Variants in CCNH observed in about 807,000 individuals in gnomAD.
CCNH encodes the protein cyclin H, also known as cyclin-H.
Under a neutral mutation model 41.9 loss-of-function variants are expected in CCNH, and 31 were observed. That is an observed-to-expected ratio of 0.74 (90% confidence interval 0.56 to 1.00). The LOEUF (loss-of-function observed/expected upper bound fraction) is 1.00, where lower values mean the gene tolerates loss of function less well. Ranked by LOEUF, CCNH falls within the 50% of genes least tolerant of loss-of-function variation. The pLI is 0.00. For missense variants in CCNH, 362 were observed against 388.4 expected (o/e 0.93, Z 0.57); for synonymous variants, 138 against 136.1 (o/e 1.01, Z -0.10).
In CCNH at chr5:87,412,739, AGCTGCTCCTCGCTGGAGAAGGTCCAG is replaced by A. The variant is rs748955961; in HGVS notation, c.30_55del (p.Trp11GlyfsTer6). On this transcript the variant is annotated frameshift_variant, in exon 1 of 9. Transcript: ENST00000256897. LOFTEE classifies it high-confidence loss of function. The stretch of plus-strand genomic sequence containing the variant: ...GTTGGCGTCAGCCCGCAGTCTTGCC[AGCTGCTCCTCGCTGGAGAAGGTCCAG>A]TGCCGCTTCTGACTACTGTTGTGGT... 4 of 1,614,226 alleles carry A rather than the reference AGCTGCTCCTCGCTGGAGAAGGTCCAG, an allele frequency of 2.5e-6. No homozygotes were observed. The South Asian group carries it at 4.4e-5, about 18-fold the overall frequency.
At chr5:87,388,741 C>T (rs921924638), downstream of CCNH, among the ~76,000 whole-genome samples, 22 of 152,168 alleles carry the variant, frequency 1.4e-4, no homozygotes, top group African/African-American at 4.1e-4. Context: ...ATTGCATTTT[C>T]ATAGTGCAGT....
At chr5:87,385,453 A>T in intron 9 of CCNH, 3 of 1,244,456 alleles carry the variant, frequency 2.4e-6, no homozygotes, top group South Asian at 2.5e-5. Context: ...ATAAAACCAT[A>T]AATTGTGGCT....
chr5:87,379,686 C>T (rs1761572726), upstream of CCNH: 1 of 1,599,764 alleles, frequency 6.3e-7, no homozygotes. Flanking sequence ...TATTCATTTG[C>T]ATTTGTCATT....
At chr5:87,406,864 G>A (rs139325501) in intron 4 of CCNH, among the ~76,000 whole-genome samples, 1 of 152,024 alleles carries the variant, frequency 6.6e-6, no homozygotes, top group African/African-American at 2.4e-5. Flanking sequence ...ACAGATGCGC[G>A]ATAAATACCT....
chr5:87,338,311 C>T (rs570801105), intron 9 of CCNH, among the ~76,000 whole-genome samples: 8 of 151,358 alleles, frequency 5.3e-5, no homozygotes, highest in Admixed American at 2.0e-4. Flanking sequence ...GTATGATTTT[C>T]TATGAATTAA....
intron 9 of CCNH, among the ~76,000 whole-genome samples, chr5:87,328,251 CAGA>C (rs1561284505): frequency 6.6e-6 from 1 of 152,076 alleles, no homozygotes; most frequent in Non-Finnish European, 1.5e-5. Context: ...ATGTTACACT[CAGA>C]GTATTCTCAT....
At chr5:87,390,952 C>A, downstream of CCNH, 1 of 1,462,934 alleles carries the variant, frequency 6.8e-7, no homozygotes, top group Non-Finnish European at 9.6e-7. Flanking sequence ...AGTTTAATGT[C>A]TCCTTTGCTC....
At chr5:87,369,997 A>G (rs1227471123) in intron 9 of CCNH, 5 of 1,022,040 alleles carry the variant, frequency 4.9e-6, no homozygotes, top group Non-Finnish European at 7.5e-6. Flanking sequence ...AGATAAAGTG[A>G]CAGAACGCCT....
chr5:87,323,162 C>T (rs752754719), intron 9 of CCNH, among the ~76,000 whole-genome samples: 3 of 151,998 alleles, frequency 2.0e-5, no homozygotes, highest in East Asian at 1.9e-4. Flanking sequence ...GGAAAAGGCA[C>T]GTAGAAAATG....
chr5:87,389,255 C>G (rs577979133), downstream of CCNH: 1 of 1,067,780 alleles, frequency 9.4e-7, no homozygotes, highest in Non-Finnish European at 1.4e-6. Context: ...CGCTTGAACC[C>G]GGGAGGCGGA....
chr5:87,394,868 A>G, intron 8 of CCNH, 176 bp downstream of exon 8: 1 of 1,395,646 alleles, frequency 7.2e-7, no homozygotes, highest in Non-Finnish European at 9.3e-7. Flanking sequence ...AAGACAGAAG[A>G]GAGAAAAATC....
Position 87,412,872 on chromosome 5 carries a change from A to ACCC in CCNH, c.-81_-79dup, listed in dbSNP as rs555943598. On this transcript the variant is annotated 5_prime_UTR_variant, in exon 1 of 9. Transcript: ENST00000256897. ...CAGCGTCCTGGCGTAAAACACCCGTACCCCCACCGAAGATCTCGCGGAAGC... is the reference window on the plus strand; with the variant it reads ...CAGCGTCCTGGCGTAAAACACCCGTACCCCCCCCACCGAAGATCTCGCGGAAGC... 30 of 1,559,188 alleles carry ACCC rather than the reference A, an allele frequency of 1.9e-5. No homozygotes were observed. Among genetic ancestry groups the ACCC allele is most frequent in the Non-Finnish European group, 8.7e-7 (1 of 1,148,032 alleles).
At chr5:87,394,541 A>G in intron 8 of CCNH, 57 bp from the exon 9 acceptor site, 1 of 1,599,754 alleles carries the variant, frequency 6.3e-7, no homozygotes, top group Admixed American at 1.8e-5. Context: ...AGTATTGTTT[A>G]CCTCTTACCT....
At position 87,338,514 on chromosome 5, in the gene CCNH, TATATATATATATATATATAAA is replaced by T. The variant is rs1247284701; in HGVS notation, c.*91-19638_*91-19618del. The stretch of plus-strand genomic sequence containing the variant: ...GCCCAGCTAATTTTATATATATATA[TATATATATATATATATATAAA>T]ATTTTTTTTTTTTTTAAGTAGAAAT... On this transcript the variant is annotated intron_variant and NMD_transcript_variant, in intron 9 of 9. Coordinates refer to the CCNH transcript ENST00000645953. Among the ~76,000 whole-genome samples, 60 of 98,788 alleles carry T rather than the reference TATATATATATATATATATAAA, an allele frequency of 6.1e-4. 2 individuals are homozygous for T. Among genetic ancestry groups the T allele is most frequent in the African/African-American group, 2.2e-3 (58 of 26,058 alleles). The allele number at this position is 98,788 out of a possible 152,430, so 64.8% of individuals were successfully genotyped here. A position where few individuals can be genotyped will look rare whatever the true frequency, so the allele number is the denominator to read the frequency against.
chr5:87,368,517 T>A (rs1046641185), intron 9 of CCNH, among the ~76,000 whole-genome samples: 1 of 152,196 alleles, frequency 6.6e-6, no homozygotes, highest in African/African-American at 2.4e-5. Flanking sequence ...TGAAAAACTA[T>A]GGAAACTAAT....
chr5:87,313,862 A>G (rs148719928), downstream of CCNH, among the ~76,000 whole-genome samples: 238 of 152,276 alleles, frequency 1.6e-3, 1 homozygote, highest in Middle Eastern at 6.8e-3. Flanking sequence ...AGTGTGATCA[A>G]AGAGGTCTGA....
intron 9 of CCNH, among the ~76,000 whole-genome samples, chr5:87,337,546 A>C (rs1267665907): frequency 6.6e-6 from 1 of 152,058 alleles, no homozygotes; most frequent in African/African-American, 2.4e-5. Context: ...ATAGTGTGTT[A>C]ATTATATTTA....
In CCNH at chr5:87,401,754, C is replaced by G. The variant is rs754152605; in HGVS notation, c.708G>C (p.Leu236=). 6.3e-7 allele frequency: 1 copy of G among 1,584,200 alleles called. No homozygotes were observed. Among genetic ancestry groups the G allele is most frequent in the South Asian group, 1.2e-5 (1 of 86,536 alleles). The change falls in exon 6 of 9, where the codon CTG becomes CTC. Residue 236 remains leucine, a synonymous_variant. Transcript: ENST00000256897. The stretch of plus-strand genomic sequence containing the variant: ...GGCAAGTTCTGTTCTCTTTCAGCAT[C>G]AGACTCTCTGATAAATAACTAGTAA... ...ITMESYLSES[L]MLKENRTCLS...
chr5:87,359,459 G>A (rs1759908491), intron 9 of CCNH, among the ~76,000 whole-genome samples: 1 of 152,062 alleles, frequency 6.6e-6, no homozygotes, highest in African/African-American at 2.4e-5. Context: ...GAATCTTTTA[G>A]GATTTGTGGG....
Sources: gnomAD v4.1 joint callset for allele counts (sites outside exome capture counted in the v4.1 genomes callset) on GRCh38, gnomAD v4.1.1 for gene constraint, MANE v1.5 for transcripts, NCBI Gene and HGNC (gene_info 2026-07-23, HGNC 2026-07-21) for gene names.